Variants in SCAF4 observed in about 807,000 individuals in gnomAD.
SCAF4 encodes SR-related and CTD-associated factor 4.
A neutral mutation model predicts 129.8 loss-of-function variants in SCAF4; 25 were observed. That is an observed-to-expected ratio of 0.19 (90% CI 0.14 to 0.27). The LOEUF is 0.27. Among genes scored for constraint, SCAF4 ranks in the 10% least tolerant of loss-of-function variants. The pLI, the probability that SCAF4 is intolerant of heterozygous loss-of-function variation, is 1.00. For synonymous variants in SCAF4, 551 were observed against 497.7 expected, an observed-to-expected ratio of 1.11 and a Z score of -1.43; for missense variants, 1,246 against 1,457.1, an observed-to-expected ratio of 0.86 and a Z score of 2.36.
At chr21:31,703,317 T>C (rs1428411483) in intron 4 of SCAF4, among the ~76,000 whole-genome samples, 1 of 152,148 alleles carries the variant, frequency 6.6e-6, no homozygotes, top group East Asian at 1.9e-4. Context: ...TTTAAAAATT[T>C]TACTTTACTG....
intron 1 of SCAF4, among the ~76,000 whole-genome samples, chr21:31,713,503 A>G (rs909650047): frequency 3.3e-5 from 5 of 152,150 alleles, no homozygotes; most frequent in African/African-American, 1.2e-4. Flanking sequence ...TTTGAGAAAA[A>G]GAGAGAATCC....
chr21:31,700,052 C>G (rs2050485008), intron 7 of SCAF4, among the ~76,000 whole-genome samples: 1 of 151,754 alleles, frequency 6.6e-6, no homozygotes, highest in South Asian at 2.1e-4. Flanking sequence ...CTTTGAATTC[C>G]TGGGGCCAAG....
chr21:31,696,310 G>A, intron 8 of SCAF4, 89 bp from the exon 9 acceptor site: 2 of 966,642 alleles, frequency 2.1e-6, no homozygotes, highest in Non-Finnish European at 3.2e-6. Flanking sequence ...TTGTTCATGA[G>A]TCATTAACAT....
chr21:31,684,313 A>G (rs373597613), intron 19 of SCAF4: 2 of 152,846 alleles, frequency 1.3e-5, no homozygotes, highest in East Asian at 3.8e-4. Flanking sequence ...AAATACAACA[A>G]TTTGTTAATT....
intron 1 of SCAF4, among the ~76,000 whole-genome samples, chr21:31,709,262 T>C (rs1601246223): frequency 6.6e-6 from 1 of 152,020 alleles, no homozygotes; most frequent in Non-Finnish European, 1.5e-5. Context: ...TCTAATGATT[T>C]TGTAACATAC....
In SCAF4 at chr21:31,724,930, C is replaced by T. The variant is rs901897878; in HGVS notation, c.30+6733G>A. On this transcript the variant is annotated intron_variant, in intron 1 of 19. Transcript: ENST00000286835. ...GGGAGGGAAATACTTACAACAAGAA[C>T]ATCAGTGATAAACCCCGCTACAGAA... Among the ~76,000 whole-genome samples the T allele has an allele frequency of 9.8e-5, 15 of 152,306 alleles. No individual in the cohort carries two copies. The South Asian group carries it at 3.1e-3, about 32-fold the overall frequency.
At chr21:31,731,099 T>C (rs1385360025) in intron 1 of SCAF4, among the ~76,000 whole-genome samples, 1 of 152,144 alleles carries the variant, frequency 6.6e-6, no homozygotes, top group Non-Finnish European at 1.5e-5. Context: ...AGTGCGTGAA[T>C]CCCGGAGAAG....
intron 19 of SCAF4, among the ~76,000 whole-genome samples, chr21:31,674,820 G>A (rs1239200456): frequency 3.3e-5 from 5 of 151,770 alleles, no homozygotes; most frequent in Admixed American, 2.0e-4. Flanking sequence ...TTCATATTAT[G>A]TATTAAATAT....
intron 16 of SCAF4, 62 bp from the exon 17 acceptor site, chr21:31,685,795 CACAGAT>C: frequency 6.8e-7 from 1 of 1,465,846 alleles, no homozygotes; most frequent in Non-Finnish European, 9.2e-7. Context: ...ACACAGTAAG[CACAGAT>C]AAAAGAGCAA....
At chr21:31,729,398 T>C (rs2051289683) in intron 1 of SCAF4, among the ~76,000 whole-genome samples, 1 of 152,228 alleles carries the variant, frequency 6.6e-6, no homozygotes, top group East Asian at 1.9e-4. Flanking sequence ...AGGAAGCTGT[T>C]CTACCTCCTA....
chr21:31,671,167 C>G lies in SCAF4; in HGVS notation c.*232G>C. ...TTACGATTTGTAAACTTTTTAAAGT[C>G]AAAACTTTTAAAAAGTTACAGCAAA... is the stretch of plus-strand genomic sequence containing the variant. On this transcript the variant is annotated 3_prime_UTR_variant, in exon 20 of 20. Transcript: ENST00000286835. 2.6e-6 allele frequency: 1 copy of G among 382,442 alleles called. No individual in the cohort carries two copies. Among genetic ancestry groups the G allele is most frequent in the Non-Finnish European group, 4.5e-6 (1 of 220,410 alleles). The allele number at this position is 382,442 out of a possible 1,614,324, so 23.7% of individuals were successfully genotyped here.
At chr21:31,687,048 CA>C (rs1185635274) in intron 16 of SCAF4, among the ~76,000 whole-genome samples, 6 of 152,144 alleles carry the variant, frequency 3.9e-5, no homozygotes, top group African/African-American at 1.4e-4. Flanking sequence ...AAGAGTTTGC[CA>C]ACTAGGGGAG....
chr21:31,719,514 G>GTT (rs113858949), intron 1 of SCAF4, among the ~76,000 whole-genome samples: 36 of 149,552 alleles, frequency 2.4e-4, no homozygotes, highest in African/African-American at 7.6e-4. Flanking sequence ...CTTTTTTTTT[G>GTT]TTTTTTTGAG....
intron 19 of SCAF4, among the ~76,000 whole-genome samples, chr21:31,677,811 T>G: frequency 6.6e-6 from 1 of 152,210 alleles, no homozygotes; most frequent in African/African-American, 2.4e-5. Context: ...CCTTGAATTC[T>G]AACACGGCTA....
intron 1 of SCAF4, among the ~76,000 whole-genome samples, chr21:31,714,936 T>A (rs1240587837): frequency 1.3e-5 from 2 of 152,262 alleles, no homozygotes; most frequent in African/African-American, 2.4e-5. Context: ...GGTTTCCAGA[T>A]GATCCTGGTT....
chr21:31,702,182 T>C (rs986134179), intron 5 of SCAF4, 62 bp downstream of exon 5: 1 of 1,600,146 alleles, frequency 6.2e-7, no homozygotes, highest in African/African-American at 1.3e-5. Flanking sequence ...ACATAAACTC[T>C]GACTGTTTCA....
chr21:31,693,443 C>T lies in SCAF4; in HGVS notation c.1364G>A (p.Arg455Gln), dbSNP rs149907934. ...RRRSRSGSRSRRSRHRRSRSR... is the reference protein window; with the variant it reads ...RRRSRSGSRSQRSRHRRSRSR... The stretch of plus-strand genomic sequence containing the variant: ...TCGAGAACGTCGATGCCGAGACCTT[C>T]GAGATCTAGAACCAGATCTAGATCG... The change falls in exon 12 of 20, where the codon CGA becomes CAA. Residue 455 changes from arginine (R) to glutamine (Q), a missense_variant. Physicochemically the swap from Arg to Gln is conservative, Grantham distance 43 (BLOSUM62 1). This residue lies in a region of SCAF4 where 468 missense variants were observed against 605.5 expected (regional missense o/e 0.77). Coordinates refer to ENST00000286835, the MANE Select transcript of SCAF4 (RefSeq NM_020706.2). The T allele has an allele frequency of 8.4e-6, 13 of 1,548,680 alleles. No homozygotes were observed. Among genetic ancestry groups the T allele is most frequent in the African/African-American group, 6.8e-5 (5 of 73,092 alleles).
At chr21:31,726,432 T>C (rs1199395211) in intron 1 of SCAF4, among the ~76,000 whole-genome samples, 1 of 151,868 alleles carries the variant, frequency 6.6e-6, no homozygotes, top group East Asian at 1.9e-4. Flanking sequence ...GGGGCTAAGG[T>C]GGGCTAATCA....
Position 31,690,916 on chromosome 21 carries a change from T to C in SCAF4, c.1766A>G (p.Tyr589Cys), listed in dbSNP as rs1227483316. Residue 589 changes from tyrosine (Y) to cysteine (C), a missense_variant, in exon 15 of 20, where the codon TAT becomes TGT. By Grantham distance (194) the Tyr-to-Cys change is radical (BLOSUM62 -2). Coordinates refer to ENST00000286835, the MANE Select transcript of SCAF4 (RefSeq NM_020706.2). ...WALNKGIKAD[Y>C]KQYWDVELGV... Reference sequence around the variant, plus strand: ...AAGTTCTACATCCCAATACTGCTTATAATCTGCCTTTATTCCTTTGTTTAA... The same window carrying C: ...AAGTTCTACATCCCAATACTGCTTACAATCTGCCTTTATTCCTTTGTTTAA... 4.3e-6 allele frequency: 7 copies of C among 1,613,100 alleles called. No individual in the cohort carries two copies. The highest frequency in any genetic ancestry group is 3.3e-5 in the South Asian group (3 of 90,770).
Sources: allele counts gnomAD v4.1 joint callset (sites outside exome capture counted in the v4.1 genomes callset), GRCh38; gene constraint gnomAD v4.1.1; regional missense constraint gnomAD v4.1.1; transcripts MANE v1.5; gene names NCBI Gene and HGNC (gene_info 2026-07-23, HGNC 2026-07-21).